Variants in CCDC3 observed in about 807,000 individuals in gnomAD.
CCDC3 encodes the protein coiled-coil domain containing 3.
CCDC3 carries 24 observed loss-of-function variants against 21.4 expected under a neutral mutation model. The observed-to-expected ratio is 1.12, with a 90% CI of 0.81 to 1.58. CCDC3 has a LOEUF of 1.58. Among genes scored for constraint, CCDC3 ranks in the 40% most tolerant of loss-of-function variants. The pLI is 0.00. For missense variants in CCDC3, 425 were observed against 360.9 expected (o/e 1.18, Z -1.44); for synonymous variants, 186 against 166.0 (o/e 1.12, Z -0.93).
chr10:12,989,975 G>A (rs1403858930), intron 2 of CCDC3, among the ~76,000 whole-genome samples: 4 of 151,878 alleles, frequency 2.6e-5, no homozygotes, highest in Admixed American at 2.6e-4. Flanking sequence ...TCACTGGGCC[G>A]GGCACAGTGG....
intron 2 of CCDC3, among the ~76,000 whole-genome samples, chr10:12,935,010 C>T (rs1029133985): frequency 6.6e-6 from 1 of 151,950 alleles, no homozygotes; most frequent in Non-Finnish European, 1.5e-5. Context: ...CTCCTAGGCT[C>T]AAGCAGTCCT....
At chr10:12,907,643 CAAAGAA>C (rs1309259374) in intron 2 of CCDC3, among the ~76,000 whole-genome samples, 1 of 144,042 alleles carries the variant, frequency 6.9e-6, no homozygotes, top group Non-Finnish European at 1.6e-5. Context: ...GACTCTGTCT[CAAAGAA>C]AAAGAAAAAA....
chr10:13,062,035 G>A (rs113149205), intron 4 of CCDC3, among the ~76,000 whole-genome samples: 3 of 151,538 alleles, frequency 2.0e-5, no homozygotes, highest in South Asian at 2.1e-4. Context: ...ATGTTTTGGG[G>A]TAAAATATTT....
intron 1 of CCDC3, chr10:13,099,428 C>T (rs1832688657): frequency 6.7e-6 from 1 of 148,878 alleles, no homozygotes; most frequent in South Asian, 2.2e-4. Context: ...CTCTCTCCCC[C>T]TCCCTCCTTC....
Position 13,093,615 on chromosome 10 carries a change from T to A in CCDC3, c.-503+4910A>T, listed in dbSNP as rs191206338. ...AAGCTGGAGAGAAGCTAAGAGGTTA[T>A]CTATCTTAGCCCCTGACTTCCCTCA... On this transcript the variant is annotated intron_variant, in intron 3 of 6. Transcript: ENST00000378839. Among the ~76,000 whole-genome samples, 3 of 152,170 alleles carry A rather than the reference T, an allele frequency of 2.0e-5. No homozygotes were observed. The East Asian group carries it at 5.8e-4, about 29-fold the overall frequency.
intron 2 of CCDC3, among the ~76,000 whole-genome samples, chr10:12,934,960 A>C (rs1363728698): frequency 6.6e-6 from 1 of 151,788 alleles, no homozygotes; most frequent in Non-Finnish European, 1.5e-5. Context: ...ACTGGAGTCC[A>C]TTGGTGCAAT....
chr10:13,010,851 A>T (rs1235190691), intron 5 of CCDC3, among the ~76,000 whole-genome samples: 1 of 152,200 alleles, frequency 6.6e-6, no homozygotes, highest in Non-Finnish European at 1.5e-5. Context: ...GATTTCCTCT[A>T]CCAATTCATT....
chr10:13,008,452 A>T (rs10906278), intron 5 of CCDC3, among the ~76,000 whole-genome samples: 22,658 of 152,186 alleles, frequency 0.15, 1,978 homozygotes, highest in Admixed American at 0.23. Context: ...TGTGGAAGGC[A>T]TGGCATGAGC....
In CCDC3 at chr10:12,982,704, G is replaced by A. The variant is rs1001175444; in HGVS notation, c.549+15634C>T. Among the ~76,000 whole-genome samples the A allele has an allele frequency of 5.7e-5, 8 of 140,078 alleles. No individual in the cohort carries two copies. In the Admixed American group the frequency reaches 6.4e-4, roughly 11 times the overall value. The allele number at this position is 140,078 out of a possible 152,430, so 91.9% of individuals were successfully genotyped here. ...AGCTACTCAGGAGGCTGAGGCAGGA[G>A]AATCACTTGAACCTAGGAGGTGGAG... is the stretch of plus-strand genomic sequence containing the variant. On this transcript the variant is annotated intron_variant, in intron 2 of 2. Transcript: ENST00000378825.
intron 2 of CCDC3, among the ~76,000 whole-genome samples, chr10:12,910,546 T>G (rs1280203647): frequency 1.3e-5 from 2 of 149,660 alleles, no homozygotes; most frequent in Non-Finnish European, 3.0e-5. Flanking sequence ...TGGCTTGGTA[T>G]CTGGCACAAG....
At chr10:12,954,451 TAAAGA>T (rs888281014) in intron 2 of CCDC3, among the ~76,000 whole-genome samples, 1 of 152,188 alleles carries the variant, frequency 6.6e-6, no homozygotes, top group African/African-American at 2.4e-5. Flanking sequence ...GGGTAACTCA[TAAAGA>T]AAAGAGGTTT....
chr10:12,974,648 C>T (rs140785164), intron 2 of CCDC3, among the ~76,000 whole-genome samples: 13 of 152,264 alleles, frequency 8.5e-5, no homozygotes, highest in Admixed American at 5.9e-4. Context: ...ACCATGGGGC[C>T]GAGGGCTGAG....
chr10:12,932,744 C>A (rs987755956), intron 2 of CCDC3, among the ~76,000 whole-genome samples: 2 of 152,144 alleles, frequency 1.3e-5, no homozygotes, highest in African/African-American at 2.4e-5. Flanking sequence ...TGTTCCTGAT[C>A]TTAGCGGGAA....
intron 2 of CCDC3, among the ~76,000 whole-genome samples, chr10:12,899,158 C>T (rs770020502): frequency 1.3e-5 from 2 of 151,800 alleles, no homozygotes; most frequent in Non-Finnish European, 2.9e-5. Context: ...AACAGACTCT[C>T]TTTGCTCCCT....
intron 3 of CCDC3, among the ~76,000 whole-genome samples, chr10:13,091,611 C>T (rs945912192): frequency 3.3e-5 from 5 of 152,176 alleles, no homozygotes; most frequent in African/African-American, 4.8e-5. Flanking sequence ...TCCATTCAGT[C>T]GCCCAACGCA....
At chr10:13,046,077 T>G (rs1005724394) in intron 5 of CCDC3, among the ~76,000 whole-genome samples, 1 of 151,234 alleles carries the variant, frequency 6.6e-6, no homozygotes, top group Non-Finnish European at 1.5e-5. Flanking sequence ...GGTGACAGAG[T>G]GAGACTCCAT....
intron 2 of CCDC3, among the ~76,000 whole-genome samples, chr10:12,912,303 T>C (rs1406254361): frequency 6.6e-6 from 1 of 152,246 alleles, no homozygotes; most frequent in Non-Finnish European, 1.5e-5. Flanking sequence ...TTTTGTCTTT[T>C]TGGTAATAGC....
At chr10:13,034,852 C>T (rs953920612) in intron 5 of CCDC3, among the ~76,000 whole-genome samples, 5 of 151,914 alleles carry the variant, frequency 3.3e-5, no homozygotes, top group African/African-American at 4.8e-5. Context: ...TGGCAAAAAC[C>T]CATCTTTACT....
At chr10:12,952,324 G>A (rs1449333748) in intron 2 of CCDC3, among the ~76,000 whole-genome samples, 2 of 152,200 alleles carry the variant, frequency 1.3e-5, no homozygotes, top group Non-Finnish European at 2.9e-5. Context: ...CTTGATGATA[G>A]AATGAATTAG....
Sources: allele counts gnomAD v4.1 joint callset (sites outside exome capture counted in the v4.1 genomes callset), GRCh38; gene constraint gnomAD v4.1.1; transcripts MANE v1.5; gene names NCBI Gene and HGNC (gene_info 2026-07-23, HGNC 2026-07-21).